The following ATXN1 variants were observed in gnomAD, a reference collection of about 807,000 sequenced individuals.
The protein encoded by ATXN1 is ataxin 1.
A neutral mutation model predicts 56.4 loss-of-function variants in ATXN1; 8 were observed. The ratio of observed to expected loss-of-function variants is 0.14; its 90% CI spans 0.08 to 0.26. ATXN1 has a LOEUF of 0.26. Ranked by LOEUF, ATXN1 falls within the 10% of genes least tolerant of loss-of-function variation. ATXN1 has a pLI of 1.00. For missense variants in ATXN1, 987 were observed against 1,106.5 expected (o/e 0.89, Z 1.53); for synonymous variants, 514 against 494.6 (o/e 1.04, Z -0.52).
rs1009319210 is a variant in ATXN1 at position 16,478,060 on chromosome 6, C to T, written c.-161+7912G>A. Among the ~76,000 whole-genome samples the T allele has an allele frequency of 9.2e-5, 14 of 152,268 alleles. No homozygotes were observed. The East Asian group carries it at 1.5e-3, about 17-fold the overall frequency. On this transcript the variant is annotated intron_variant, in intron 6 of 7. Transcript: ENST00000436367. ...GTTGCTAGGACAACTGGCGTCACTG[C>T]GGAGGCACAGAAATAGATCACCAGT...
intron 4 of ATXN1, among the ~76,000 whole-genome samples, chr6:16,547,104 C>A (rs531517090): frequency 6.6e-6 from 1 of 152,152 alleles, no homozygotes; most frequent in Non-Finnish European, 1.5e-5. Flanking sequence ...AATCCCTGAC[C>A]GAAGTGGACT....
intron 3 of ATXN1, among the ~76,000 whole-genome samples, chr6:16,640,929 G>A (rs1257139348): frequency 2.0e-5 from 3 of 152,214 alleles, no homozygotes; most frequent in African/African-American, 7.2e-5. Flanking sequence ...AAAATTAAAA[G>A]TGCTACTCCA....
chr6:16,313,597 C>T (rs1760448166), intron 7 of ATXN1, among the ~76,000 whole-genome samples: 1 of 151,086 alleles, frequency 6.6e-6, no homozygotes, highest in Non-Finnish European at 1.5e-5. Context: ...CGCTCTGTCA[C>T]CCAGGTTGGA....
chr6:16,558,754 T>C (rs962867099), intron 4 of ATXN1, among the ~76,000 whole-genome samples: 1 of 152,108 alleles, frequency 6.6e-6, no homozygotes, highest in Non-Finnish European at 1.5e-5. Flanking sequence ...CCTAAGTATG[T>C]AAAAAAATTA....
At chr6:16,518,427 C>G (rs1761226487) in intron 5 of ATXN1, among the ~76,000 whole-genome samples, 1 of 152,224 alleles carries the variant, frequency 6.6e-6, no homozygotes, top group African/African-American at 2.4e-5. Context: ...CCTCTTCACA[C>G]AGACAGGTGC....
At chr6:16,320,655 A>G (rs1000753465) in intron 7 of ATXN1, among the ~76,000 whole-genome samples, 1 of 152,246 alleles carries the variant, frequency 6.6e-6, no homozygotes, top group African/African-American at 2.4e-5. Flanking sequence ...CCCAGCGGGC[A>G]CGTCACTAAC....
chr6:16,454,251 TC>T lies in ATXN1; in HGVS notation c.-161+31720del, dbSNP rs1759822038. Reference sequence around the variant, plus strand: ...AGAGCAGTGAGCTGAGCAGACAAAATCCCTGCCATCAGAGAGCTGACCAGGA... The same window carrying T: ...AGAGCAGTGAGCTGAGCAGACAAAATCCTGCCATCAGAGAGCTGACCAGGA... On this transcript the variant is annotated intron_variant, in intron 6 of 7. Transcript: ENST00000436367. Among the ~76,000 whole-genome samples, 8 of 148,178 alleles carry T rather than the reference TC, an allele frequency of 5.4e-5. No homozygotes were observed. The South Asian group carries it at 1.8e-3, about 33-fold the overall frequency.
chr6:16,522,896 T>C (rs1376635689), intron 4 of ATXN1, among the ~76,000 whole-genome samples: 2 of 152,220 alleles, frequency 1.3e-5, no homozygotes, highest in African/African-American at 4.8e-5. Flanking sequence ...ACAATCAATA[T>C]GTAGAGAACA....
chr6:16,734,971 G>C (rs957038804), intron 2 of ATXN1, among the ~76,000 whole-genome samples: 7 of 152,154 alleles, frequency 4.6e-5, no homozygotes, highest in African/African-American at 1.7e-4. Context: ...CATTTATTTT[G>C]TGAATATACT....
At chr6:16,614,012 G>A (rs1419440549) in intron 3 of ATXN1, among the ~76,000 whole-genome samples, 3 of 151,378 alleles carry the variant, frequency 2.0e-5, no homozygotes, top group African/African-American at 7.3e-5. Flanking sequence ...TTGGGGACAG[G>A]TAATTTCAAA....
At chr6:16,401,643 C>T (rs1391134138) in intron 6 of ATXN1, among the ~76,000 whole-genome samples, 1 of 151,980 alleles carries the variant, frequency 6.6e-6, no homozygotes, top group Non-Finnish European at 1.5e-5. Context: ...GGTGGACACA[C>T]TTTGAGTCTC....
At chr6:16,587,833 A>G (rs2113767274) in intron 3 of ATXN1, among the ~76,000 whole-genome samples, 1 of 151,892 alleles carries the variant, frequency 6.6e-6, no homozygotes, top group South Asian at 2.1e-4. Context: ...CGGGAGGCTG[A>G]GGCAGGAGAA....
intron 3 of ATXN1, among the ~76,000 whole-genome samples, chr6:16,612,072 G>T (rs1295796506): frequency 1.3e-5 from 2 of 151,838 alleles, no homozygotes; most frequent in African/African-American, 4.8e-5. Flanking sequence ...TGTTAGTCAG[G>T]ACGGTCTCGA....
chr6:16,310,576 G>A (rs1406551309), intron 7 of ATXN1, among the ~76,000 whole-genome samples: 3 of 152,110 alleles, frequency 2.0e-5, no homozygotes, highest in African/African-American at 7.2e-5. Context: ...TCCGCCTCCC[G>A]GGTTCAAGCG....
chr6:16,463,286 C>T (rs1581780151), intron 6 of ATXN1, among the ~76,000 whole-genome samples: 1 of 152,190 alleles, frequency 6.6e-6, no homozygotes. Flanking sequence ...ACTAACTGGA[C>T]AGGCACCTGT....
intron 2 of ATXN1, among the ~76,000 whole-genome samples, chr6:16,679,637 T>A (rs1758772088): frequency 6.6e-6 from 1 of 152,240 alleles, no homozygotes; most frequent in Non-Finnish European, 1.5e-5. Flanking sequence ...GCACTTTTCA[T>A]GTACACTGAA....
chr6:16,331,939 TG>T (rs1425997550), intron 6 of ATXN1, among the ~76,000 whole-genome samples: 2 of 152,258 alleles, frequency 1.3e-5, no homozygotes, highest in East Asian at 3.8e-4. Context: ...CTCACTGGAC[TG>T]GTCTTCTGCG....
intron 5 of ATXN1, among the ~76,000 whole-genome samples, chr6:16,505,946 C>A (rs1049238529): frequency 6.6e-6 from 1 of 152,186 alleles, no homozygotes; most frequent in Non-Finnish European, 1.5e-5. Context: ...CAATAAGCAG[C>A]ACGTGTCCCA....
chr6:16,414,653 A>C (rs572527285), intron 6 of ATXN1, among the ~76,000 whole-genome samples: 5 of 152,320 alleles, frequency 3.3e-5, no homozygotes, highest in South Asian at 4.2e-4. Flanking sequence ...ACAACAACAA[A>C]AAAACGCTAA....
Sources: allele counts gnomAD v4.1 joint callset (sites outside exome capture counted in the v4.1 genomes callset), GRCh38; gene constraint gnomAD v4.1.1; transcripts MANE v1.5; gene names NCBI Gene and HGNC (gene_info 2026-07-23, HGNC 2026-07-21).